ERBB4: variants seen among roughly 807,000 people sequenced by gnomAD.
ERBB4 encodes erb-b2 receptor tyrosine kinase 4, also known as receptor tyrosine-protein kinase erbB-4.
In ERBB4, 42 loss-of-function variants were observed where a neutral mutation model predicts 158.0. The observed-to-expected ratio is 0.27, with a 90% CI of 0.21 to 0.34. The LOEUF (loss-of-function observed/expected upper bound fraction) is 0.34. ERBB4 is among the 10% of genes least tolerant of loss of function. The pLI is 1.00. For synonymous variants in ERBB4, 583 were observed against 558.7 expected (o/e 1.04, Z -0.61); for missense variants, 1,333 against 1,624.1 (o/e 0.82, Z 3.08).
At chr2:211,445,262 T>C (rs967836440) in intron 20 of ERBB4, among the ~76,000 whole-genome samples, 1 of 152,124 alleles carries the variant, frequency 6.6e-6, no homozygotes, top group Non-Finnish European at 1.5e-5. Context: ...AGGAGATCAA[T>C]TGGGATACTA....
intron 4 of ERBB4, among the ~76,000 whole-genome samples, chr2:211,786,403 T>A (rs994553390): frequency 2.0e-5 from 3 of 152,320 alleles, no homozygotes; most frequent in East Asian, 3.9e-4. Flanking sequence ...TAATAAAACT[T>A]TGGCAATCAA....
At chr2:212,523,320 C>T (rs1692273830) in intron 1 of ERBB4, among the ~76,000 whole-genome samples, 1 of 151,880 alleles carries the variant, frequency 6.6e-6, no homozygotes, top group South Asian at 2.1e-4. Flanking sequence ...CCTGCTGTGC[C>T]TAACTATGTT....
At chr2:212,038,372 G>A (rs2077063161) in intron 2 of ERBB4, among the ~76,000 whole-genome samples, 1 of 151,904 alleles carries the variant, frequency 6.6e-6, no homozygotes, top group African/African-American at 2.4e-5. Context: ...GTCAAATATG[G>A]TCCTTCCTTT....
rs2062468239 is a variant in ERBB4, at chr2:211,376,079, G to C, written c.*7536C>G. On this transcript the variant is annotated 3_prime_UTR_variant, in exon 28 of 28. Transcript: ENST00000342788. ...TAAAAATATGCCTAACATTAAAAAA[G>C]TTAGTATGTGTTAGGTGCATGATCC... The C allele has an allele frequency of 4.3e-6, 1 of 232,954 alleles. No individual in the cohort carries two copies. The highest frequency in any genetic ancestry group is 2.2e-5 in the African/African-American group (1 of 45,272). The allele number at this position is 232,954 out of a possible 1,614,324, so 14.4% of individuals were successfully genotyped here.
rs138271286 is a variant in ERBB4, at chr2:211,578,100, C to T, written c.2302-16012G>A. On this transcript the variant is annotated intron_variant, in intron 19 of 27. Coordinates refer to ENST00000342788, the MANE Select transcript of ERBB4 (RefSeq NM_005235.3). ...TTCTTAAGCTGATAAGCAACTTCAG[C>T]GAAGTCTCAGGATATAAAATCGGTG... is the stretch of plus-strand genomic sequence containing the variant. Among the ~76,000 whole-genome samples the T allele has an allele frequency of 5.1e-3, 782 of 152,174 alleles. 7 individuals are homozygous for T. Among genetic ancestry groups the T allele is most frequent in the African/African-American group, 0.018 (740 of 41,518 alleles).
At position 211,673,248 on chromosome 2, in the gene ERBB4, C is replaced by G. The variant is rs771367058; in HGVS notation, c.1632G>C (p.Arg544=). ...CACAGATGGAGCCATTCTCAAACTC[C>G]CGAAATTCACTGTGAAAACATCAGC... The part of the protein sequence containing the change: ...ESCNLYDGEF[R]EFENGSICVE... The change falls in exon 14 of 28, where the codon CGG becomes CGC. Residue 544 remains arginine (R), a synonymous_variant. Transcript: ENST00000342788. 6.2e-7 allele frequency: 1 copy of G among 1,613,174 alleles called. No homozygotes were observed. Among genetic ancestry groups the G allele is most frequent in the Non-Finnish European group, 8.5e-7 (1 of 1,179,274 alleles).
chr2:212,175,061 T>C (rs2081620487), intron 1 of ERBB4, among the ~76,000 whole-genome samples: 1 of 152,044 alleles, frequency 6.6e-6, no homozygotes, highest in Non-Finnish European at 1.5e-5. Context: ...ATTTTCTTTG[T>C]CTGAACGTTT....
In ERBB4 at chr2:211,437,888, G is replaced by T. The variant is rs149132505; in HGVS notation, c.2488-6788C>A. ...AGCAATTCTATCCCTGGGGGAAAAA[G>T]AATCCAACTATAATGCTTACTATGG... On this transcript the variant is annotated intron_variant, in intron 20 of 27. Transcript: ENST00000342788. Among the ~76,000 whole-genome samples, 62 of 152,184 alleles carry T rather than the reference G, an allele frequency of 4.1e-4. No individual in the cohort carries two copies. In the East Asian group the frequency reaches 0.011, roughly 28 times the overall value.
intron 2 of ERBB4, among the ~76,000 whole-genome samples, chr2:211,957,964 A>G (rs2081076860): frequency 6.6e-6 from 1 of 152,114 alleles, no homozygotes; most frequent in African/African-American, 2.4e-5. Context: ...TCTGTTGAAA[A>G]GCATATGGGA....
At chr2:212,156,371 G>A (rs761704096) in intron 1 of ERBB4, among the ~76,000 whole-genome samples, 8 of 152,120 alleles carry the variant, frequency 5.3e-5, no homozygotes, top group East Asian at 1.9e-4. Flanking sequence ...GCCATGATTA[G>A]TGTCACTACA....
intron 1 of ERBB4, among the ~76,000 whole-genome samples, chr2:212,333,693 C>A (rs1416170106): frequency 1.4e-5 from 2 of 147,448 alleles, no homozygotes; most frequent in African/African-American, 5.1e-5. Flanking sequence ...GATTCTGTAC[C>A]AAAAAAAAAA....
chr2:211,562,365 T>C (rs1559298180), intron 19 of ERBB4, among the ~76,000 whole-genome samples: 1 of 152,238 alleles, frequency 6.6e-6, no homozygotes, highest in African/African-American at 2.4e-5. Flanking sequence ...CTTTGTAATA[T>C]GAGCAATATG....
At chr2:212,364,220 T>C (rs1245873768) in intron 1 of ERBB4, among the ~76,000 whole-genome samples, 1 of 151,738 alleles carries the variant, frequency 6.6e-6, no homozygotes, top group Non-Finnish European at 1.5e-5. Context: ...GAAAGGGAGA[T>C]GGGAGAATAC....
At chr2:211,684,527 G>A (rs757771696) in intron 12 of ERBB4, among the ~76,000 whole-genome samples, 4 of 152,114 alleles carry the variant, frequency 2.6e-5, no homozygotes. Flanking sequence ...CACATCATTA[G>A]TAATTAATGT....
intron 2 of ERBB4, among the ~76,000 whole-genome samples, chr2:211,958,399 C>G (rs1469216872): frequency 6.6e-6 from 1 of 152,072 alleles, no homozygotes; most frequent in Non-Finnish European, 1.5e-5. Context: ...CAAGTCACAA[C>G]TTTCTAAGTA....
intron 12 of ERBB4, among the ~76,000 whole-genome samples, chr2:211,682,082 A>ACACACG: frequency 6.6e-6 from 1 of 150,702 alleles, no homozygotes; most frequent in Middle Eastern, 3.4e-3. Flanking sequence ...ACACACACAC[A>ACACACG]CACACACACA....
intron 20 of ERBB4, among the ~76,000 whole-genome samples, chr2:211,554,794 G>A (rs1174887872): frequency 6.6e-6 from 1 of 152,192 alleles, no homozygotes; most frequent in Non-Finnish European, 1.5e-5. Flanking sequence ...AATCAGTCAT[G>A]ATTTTGTTGA....
Position 212,027,975 on chromosome 2 carries a change from C to G in ERBB4, c.235-80359G>C, listed in dbSNP as rs180915789. ...TCATAATCATAAAAATCTAGGAAAGCTTTGTAGTTCTTCAAAATCTGTGAC... is the reference window on the plus strand; with the variant it reads ...TCATAATCATAAAAATCTAGGAAAGGTTTGTAGTTCTTCAAAATCTGTGAC... On this transcript the variant is annotated intron_variant, in intron 2 of 27. Coordinates refer to ENST00000342788, the MANE Select transcript of ERBB4 (RefSeq NM_005235.3). Among the ~76,000 whole-genome samples the G allele has an allele frequency of 2.5e-3, 379 of 152,136 alleles. 1 individual carries two copies. Among genetic ancestry groups the G allele is most frequent in the African/African-American group, 8.7e-3 (363 of 41,530 alleles).
At chr2:212,017,984 A>T (rs1190526706) in intron 2 of ERBB4, among the ~76,000 whole-genome samples, 1 of 152,160 alleles carries the variant, frequency 6.6e-6, no homozygotes, top group Non-Finnish European at 1.5e-5. Flanking sequence ...CAAAGAGGAC[A>T]ACCATATGGG....
Sources: gnomAD v4.1 joint callset for allele counts (sites outside exome capture counted in the v4.1 genomes callset) on GRCh38, gnomAD v4.1.1 for gene constraint, MANE v1.5 for transcripts, NCBI Gene and HGNC (gene_info 2026-07-23, HGNC 2026-07-21) for gene names.